Variants in EEFSEC observed in about 807,000 individuals in gnomAD.
EEFSEC encodes the protein selenocysteine-specific elongation factor.
EEFSEC carries 43 observed loss-of-function variants against 42.1 expected under a neutral mutation model. The observed-to-expected ratio is 1.02, with a 90% confidence interval of 0.80 to 1.32. EEFSEC has a LOEUF of 1.32. Among genes scored for constraint, EEFSEC ranks in the 40% most tolerant of loss-of-function variants. The pLI is 0.00. For synonymous variants in EEFSEC, 354 were observed against 339.1 expected (o/e 1.04, Z -0.48); for missense variants, 745 against 803.6 (o/e 0.93, Z 0.88).
chr3:128,319,913 G>T (rs577078244), intron 4 of EEFSEC, among the ~76,000 whole-genome samples: 71 of 152,336 alleles, frequency 4.7e-4, no homozygotes, highest in Admixed American at 4.6e-3. Context: ...CAGTTCTGCC[G>T]CTGGCCCCTG....
At chr3:128,294,749 T>G (rs2066683883) in intron 4 of EEFSEC, among the ~76,000 whole-genome samples, 2 of 152,218 alleles carry the variant, frequency 1.3e-5, no homozygotes, top group Admixed American at 6.5e-5. Context: ...GGGGAGGGTA[T>G]TCCCATCAGA....
intron 1 of EEFSEC, among the ~76,000 whole-genome samples, chr3:128,173,193 A>C (rs1341762540): frequency 6.6e-6 from 1 of 152,216 alleles, no homozygotes; most frequent in African/African-American, 2.4e-5. Context: ...AAAGAGGCCC[A>C]TGCCATGTTT....
At position 128,272,501 on chromosome 3, in the gene EEFSEC, G is replaced by A. The variant is rs1354219802; in HGVS notation, c.786+7720G>A. Among the ~76,000 whole-genome samples the A allele has an allele frequency of 3.9e-5, 6 of 152,318 alleles. No homozygotes were observed. The East Asian group carries it at 9.7e-4, about 25-fold the overall frequency. ...GAGGTTTGCAGAGGCTGGGAGGCAG[G>A]AGAGTTGCCCAGAAGCAGAGCCTGC... is the stretch of plus-strand genomic sequence containing the variant. On this transcript the variant is annotated intron_variant, in intron 4 of 6. Coordinates refer to ENST00000254730, the MANE Select transcript of EEFSEC (RefSeq NM_021937.5).
intron 4 of EEFSEC, among the ~76,000 whole-genome samples, chr3:128,288,873 T>C (rs1190953914): frequency 6.6e-6 from 1 of 152,254 alleles, no homozygotes; most frequent in Non-Finnish European, 1.5e-5. Flanking sequence ...AGGCATTTCC[T>C]ATTTGAAAAC....
chr3:128,185,361 A>G (rs1252666038), intron 1 of EEFSEC, among the ~76,000 whole-genome samples: 1 of 152,154 alleles, frequency 6.6e-6, no homozygotes, highest in Non-Finnish European at 1.5e-5. Flanking sequence ...ACTAAGCAAT[A>G]AAACAGACTT....
intron 6 of EEFSEC, among the ~76,000 whole-genome samples, chr3:128,371,122 A>T (rs72977347): frequency 0.02 from 3,016 of 151,834 alleles, 100 homozygotes; most frequent in African/African-American, 0.066. Context: ...TTTTTTTTTT[A>T]AAAGCAATGG....
At chr3:128,163,883 C>T (rs2065217581) in intron 1 of EEFSEC, among the ~76,000 whole-genome samples, 1 of 151,728 alleles carries the variant, frequency 6.6e-6, no homozygotes, top group Non-Finnish European at 1.5e-5. Flanking sequence ...AGTCCTCTTG[C>T]CTCAGCCTCC....
At chr3:128,304,975 A>G (rs993961784) in intron 4 of EEFSEC, among the ~76,000 whole-genome samples, 2 of 152,224 alleles carry the variant, frequency 1.3e-5, no homozygotes, top group African/African-American at 2.4e-5. Context: ...AAGTGCTGGA[A>G]TTGCAGGCAT....
chr3:128,192,524 C>T (rs1256618849), intron 1 of EEFSEC, among the ~76,000 whole-genome samples: 1 of 152,156 alleles, frequency 6.6e-6, no homozygotes, highest in Non-Finnish European at 1.5e-5. Context: ...AGAACATTAC[C>T]CCAGAAGATC....
rs2068148162 is a variant in EEFSEC, at chr3:128,408,404, C to G, written c.*145C>G. 1.1e-6 allele frequency: 1 copy of G among 896,740 alleles called. No individual in the cohort carries two copies. Among genetic ancestry groups the G allele is most frequent in the Non-Finnish European group, 1.6e-6 (1 of 613,076 alleles). 55.5% of individuals were successfully genotyped at this position (896,740 alleles called of 1,614,324 possible). A position where few individuals can be genotyped will look rare whatever the true frequency, so the allele number is the denominator to read the frequency against. ...CCCCACCCCCAAGCTTGGTGCTGAG[C>G]CCTGGTGAGGAGCTGAGGGGGATGG... On this transcript the variant is annotated 3_prime_UTR_variant, in exon 7 of 7. Coordinates refer to ENST00000254730, the MANE Select transcript of EEFSEC (RefSeq NM_021937.5).
intron 6 of EEFSEC, among the ~76,000 whole-genome samples, chr3:128,369,934 G>A (rs1171499676): frequency 2.0e-5 from 3 of 152,184 alleles, no homozygotes; most frequent in Non-Finnish European, 4.4e-5. Flanking sequence ...GAACCACAAC[G>A]CAGTTACCAC....
At chr3:128,396,929 C>A (rs1232032312) in intron 6 of EEFSEC, among the ~76,000 whole-genome samples, 1 of 152,234 alleles carries the variant, frequency 6.6e-6, no homozygotes, top group Non-Finnish European at 1.5e-5. Flanking sequence ...GTCAGGCCCC[C>A]TCTTGGCCAT....
intron 6 of EEFSEC, among the ~76,000 whole-genome samples, chr3:128,378,146 T>G (rs1008748782): frequency 6.6e-6 from 1 of 152,180 alleles, no homozygotes; most frequent in African/African-American, 2.4e-5. Context: ...CTCCATAGTG[T>G]ATACTCGTCA....
At chr3:128,368,708 TG>T (rs2067619369) in intron 6 of EEFSEC, among the ~76,000 whole-genome samples, 1 of 152,126 alleles carries the variant, frequency 6.6e-6, no homozygotes, top group African/African-American at 2.4e-5. Flanking sequence ...TCTGATAAAA[TG>T]GGGGTAACAA....
chr3:128,384,361 C>T (rs2067812862), intron 6 of EEFSEC, among the ~76,000 whole-genome samples: 1 of 152,218 alleles, frequency 6.6e-6, no homozygotes, highest in African/African-American at 2.4e-5. Flanking sequence ...CCTCATGGGC[C>T]ATGTTGTGAG....
chr3:128,193,643 C>T (rs1278916932), intron 1 of EEFSEC, among the ~76,000 whole-genome samples: 1 of 152,238 alleles, frequency 6.6e-6, no homozygotes, highest in East Asian at 1.9e-4. Flanking sequence ...ATGTCACCTT[C>T]TGTGATCCTT....
chr3:128,281,001 C>T (rs2107965989), intron 4 of EEFSEC, among the ~76,000 whole-genome samples: 1 of 152,328 alleles, frequency 6.6e-6, no homozygotes, highest in East Asian at 1.9e-4. Context: ...TTCACAGCAG[C>T]TGCCATCTTT....
intron 4 of EEFSEC, among the ~76,000 whole-genome samples, chr3:128,290,735 T>G (rs548166484): frequency 3.9e-5 from 6 of 152,162 alleles, no homozygotes; most frequent in African/African-American, 1.2e-4. Flanking sequence ...TATCGTTTTT[T>G]GGGGTTGTTT....
the EEFSEC span, among the ~76,000 whole-genome samples, chr3:128,418,813 G>C: frequency 6.6e-6 from 1 of 152,150 alleles, no homozygotes; most frequent in Non-Finnish European, 1.5e-5. Context: ...GCACATGCAG[G>C]CACTGAGTTG....
Sources: gnomAD v4.1 joint callset for allele counts (sites outside exome capture counted in the v4.1 genomes callset) on GRCh38, gnomAD v4.1.1 for gene constraint, MANE v1.5 for transcripts, NCBI Gene and HGNC (gene_info 2026-07-23, HGNC 2026-07-21) for gene names.